The following TNNT2 variants were observed in gnomAD, a reference collection of about 807,000 sequenced individuals.
TNNT2 encodes troponin T, cardiac muscle.
A neutral mutation model predicts 62.4 loss-of-function variants in TNNT2; 34 were observed. The ratio of observed to expected loss-of-function variants is 0.54; its 90% confidence interval spans 0.41 to 0.72. The LOEUF is 0.72. TNNT2 is among the 30% of genes least tolerant of loss of function. TNNT2 has a pLI of 0.00. For synonymous variants in TNNT2, 123 were observed against 127.2 expected (o/e 0.97, Z 0.22); for missense variants, 275 against 381.9 (o/e 0.72, Z 2.33).
At chr1:201,363,501 G>T in intron 11 of TNNT2, 95 bp from the exon 12 acceptor site, 1 of 1,169,780 alleles carries the variant, frequency 8.5e-7, no homozygotes, top group Non-Finnish European at 1.3e-6. Flanking sequence ...GGTGAGTTCA[G>T]CTTTCTCTCC....
chr1:201,362,539 G>A, intron 12 of TNNT2, 145 bp from the exon 13 acceptor site: 1 of 1,034,778 alleles, frequency 9.7e-7, no homozygotes, highest in Non-Finnish European at 1.4e-6. Context: ...GGGTTTACTA[G>A]GACGTGGGTC....
chr1:201,361,168 T>C, intron 15 of TNNT2, 111 bp downstream of exon 15: 2 of 1,003,172 alleles, frequency 2.0e-6, no homozygotes, highest in South Asian at 2.5e-5. Context: ...TGAAGGGGGC[T>C]GTTGGGGAAT....
intron 16 of TNNT2, 45 bp downstream of exon 16, chr1:201,359,578 A>G (rs1295859665): frequency 2.6e-6 from 4 of 1,562,818 alleles, no homozygotes; most frequent in Non-Finnish European, 3.5e-6. Context: ...GTAGGGAAGG[A>G]GGGGGCAGGG....
chr1:201,370,976 G>A (rs73076656), intron 4 of TNNT2, among the ~76,000 whole-genome samples: 4,048 of 152,212 alleles, frequency 0.027, 190 homozygotes, highest in African/African-American at 0.093. Flanking sequence ...CAAAAAAGAC[G>A]CCTGTGGCCT....
intron 7 of TNNT2, 129 bp from the exon 8 acceptor site, chr1:201,367,000 G>A: frequency 6.7e-7 from 1 of 1,491,784 alleles, no homozygotes; most frequent in Non-Finnish European, 9.2e-7. Context: ...TCCCGGCACT[G>A]GGGAGCCCTG....
At chr1:201,369,904 C>A (rs1187204823) in intron 4 of TNNT2, 59 bp from the exon 5 acceptor site, 2 of 1,608,566 alleles carry the variant, frequency 1.2e-6, no homozygotes, top group Non-Finnish European at 1.7e-6. Flanking sequence ...AGTCTGGGAG[C>A]AGAGAGCCCG....
intron 14 of TNNT2, 101 bp downstream of exon 14, chr1:201,361,812 A>G: frequency 3.6e-6 from 4 of 1,119,898 alleles, no homozygotes; most frequent in Non-Finnish European, 5.5e-6. Context: ...TATGTGAGGC[A>G]GTCCTGCCCT....
intron 1 of TNNT2, among the ~76,000 whole-genome samples, chr1:201,375,665 C>T (rs1478579345): frequency 2.0e-5 from 3 of 152,144 alleles, no homozygotes; most frequent in South Asian, 2.1e-4. Flanking sequence ...CCCAGGGGAG[C>T]GGCCAGAACT....
chr1:201,363,187 T>TGG, intron 12 of TNNT2, 109 bp downstream of exon 12: 1 of 1,602,134 alleles, frequency 6.2e-7, no homozygotes, highest in East Asian at 2.2e-5. Flanking sequence ...CCACAGCAGC[T>TGG]GGGAATCTCT....
At chr1:201,369,724 C>G (rs577344069) in intron 5 of TNNT2, 92 bp downstream of exon 5, 1 of 1,545,942 alleles carries the variant, frequency 6.5e-7, no homozygotes, top group Non-Finnish European at 8.9e-7. Flanking sequence ...CTACTCACAC[C>G]CCCCAGCCCC....
At chr1:201,366,244 G>A in intron 8 of TNNT2, 1 of 1,019,468 alleles carries the variant, frequency 9.8e-7, no homozygotes. Flanking sequence ...GGATGTCTTG[G>A]GCTGGTTTCA....
intron 1 of TNNT2, chr1:201,373,496 C>T: frequency 3.4e-6 from 2 of 587,646 alleles, no homozygotes; most frequent in South Asian, 1.9e-5. Context: ...CGTTCCTTGC[C>T]CCTGAACAGG....
chr1:201,363,690 C>A (rs1395648748), intron 11 of TNNT2: 1 of 455,454 alleles, frequency 2.2e-6, no homozygotes, highest in Non-Finnish European at 4.1e-6. Context: ...ATGCCTTCAG[C>A]AGCTGCACAG....
intron 9 of TNNT2, 52 bp downstream of exon 9, chr1:201,365,558 C>A (rs1363550773): frequency 2.5e-6 from 4 of 1,581,634 alleles, no homozygotes; most frequent in Non-Finnish European, 3.5e-6. Flanking sequence ...TCACTGAGGG[C>A]CCTTGGGACT....
At chr1:201,371,348 G>C (rs571777314) in intron 4 of TNNT2, among the ~76,000 whole-genome samples, 1 of 152,182 alleles carries the variant, frequency 6.6e-6, no homozygotes, top group African/African-American at 2.4e-5. Context: ...TGGGTTAACC[G>C]ATCAGCATAG....
intron 10 of TNNT2, among the ~76,000 whole-genome samples, chr1:201,364,916 C>A (rs1659382333): frequency 6.6e-6 from 1 of 151,972 alleles, no homozygotes; most frequent in Non-Finnish European, 1.5e-5. Context: ...CAGCCCGGGC[C>A]TGAATTAGGC....
At chr1:201,366,668 C>G in intron 8 of TNNT2, 170 bp downstream of exon 8, 1 of 1,526,356 alleles carries the variant, frequency 6.6e-7, no homozygotes, top group African/African-American at 1.4e-5. Context: ...CACTCACTCC[C>G]TTAGGAAGAG....
chr1:201,370,323 T>C (rs1660434084), intron 4 of TNNT2, among the ~76,000 whole-genome samples: 1 of 152,218 alleles, frequency 6.6e-6, no homozygotes, highest in Non-Finnish European at 1.5e-5. Flanking sequence ...TTGGGTATCC[T>C]GCAAACTATG....
chr1:201,375,944 G>A (rs12564416), intron 1 of TNNT2, among the ~76,000 whole-genome samples: 10,611 of 152,296 alleles, frequency 0.07, 724 homozygotes, highest in African/African-American at 0.17. Flanking sequence ...CAGACATGCA[G>A]GATGGAGGAG....
Sources: gnomAD v4.1 joint callset for allele counts (sites outside exome capture counted in the v4.1 genomes callset) on GRCh38, gnomAD v4.1.1 for gene constraint, MANE v1.5 for transcripts, NCBI Gene and HGNC (gene_info 2026-07-23, HGNC 2026-07-21) for gene names.